HSPG2: variants seen among roughly 807,000 people sequenced by gnomAD.
HSPG2 encodes basement membrane-specific heparan sulfate proteoglycan core protein.
Under a neutral mutation model 526.6 loss-of-function variants are expected in HSPG2, and 278 were observed. The observed-to-expected ratio is 0.53, with a 90% CI of 0.48 to 0.58. HSPG2 has a LOEUF of 0.58. Ranked by LOEUF, HSPG2 falls within the 20% of genes least tolerant of loss-of-function variation. HSPG2 has a pLI of 0.00. For synonymous variants in HSPG2, 2,465 were observed against 2,555.4 expected (o/e 0.96, Z 1.07); for missense variants, 5,354 against 6,099.5 (o/e 0.88, Z 4.07).
rs757036018 is a variant in HSPG2 at position 21,873,020 on chromosome 1, C to T, written c.3865G>A (p.Ala1289Thr). The T allele has an allele frequency of 1.2e-5, 19 of 1,609,630 alleles. No individual in the cohort carries two copies. The highest frequency in any genetic ancestry group is 1.3e-5 in the Non-Finnish European group (15 of 1,179,970). The change falls in exon 31 of 97, where the codon GCT (alanine) becomes ACT (threonine). Residue 1289 changes from alanine (A) to threonine (T), a missense_variant. Transcript: ENST00000374695. ...ACCTTGCACTGGCACTGACCAGCAG[C>T]ATCACACTGGCTGCTGACGCTGCCT... The part of the protein sequence containing the change: ...PQGSVSSQCD[A>T]AGQCQCKAQV...
chr1:21,907,538 A>G (rs1160306223), intron 1 of HSPG2, among the ~76,000 whole-genome samples: 2 of 151,962 alleles, frequency 1.3e-5, no homozygotes, highest in Non-Finnish European at 1.5e-5. Context: ...ATCAAAACAC[A>G]TCCAATTTTT....
At chr1:21,823,595 G>A (rs371838763) in intron 96 of HSPG2, 21 bp downstream of exon 96, 2 of 1,611,570 alleles carry the variant, frequency 1.2e-6, no homozygotes, top group Non-Finnish European at 8.5e-7. Flanking sequence ...CCCCTGCCCT[G>A]AGAAGGAGCC....
intron 6 of HSPG2, chr1:21,888,803 C>T (rs1642141569): frequency 1.0e-6 from 1 of 999,574 alleles, no homozygotes; most frequent in Non-Finnish European, 1.4e-6. Context: ...TCCACCATCC[C>T]TAGCCAGGAG....
chr1:21,896,773 G>C (rs1487585668), intron 1 of HSPG2, among the ~76,000 whole-genome samples: 1 of 152,150 alleles, frequency 6.6e-6, no homozygotes, highest in Non-Finnish European at 1.5e-5. Context: ...GCTGCTCAAA[G>C]CCGTTGCCTC....
intron 1 of HSPG2, among the ~76,000 whole-genome samples, chr1:21,903,339 G>A (rs71569856): frequency 0.011 from 1,731 of 152,306 alleles, 21 homozygotes; most frequent in South Asian, 0.022. Context: ...GGTGGCTCAC[G>A]CCTGTAGTCC....
Position 21,876,532 on chromosome 1 carries a change from A to G in HSPG2, c.2806T>C (p.Ser936Pro). 6.2e-7 allele frequency: 1 copy of G among 1,614,156 alleles called. No homozygotes were observed. Among genetic ancestry groups the G allele is most frequent in the East Asian group, 2.2e-5 (1 of 44,884 alleles). ...GGTACCTGGGCACGGCTCCATGAAG[A>G]GCTGGTGCAGTGGCGACTGACACCC... ...CMGVSRHCTS[S>P]SWSRAQLHGA... The change falls in exon 22 of 97, where the codon TCT (serine) becomes CCT (proline). Residue 936 changes from serine to proline, a missense_variant. Coordinates refer to ENST00000374695, the MANE Select transcript of HSPG2 (RefSeq NM_005529.7).
intron 33 of HSPG2, among the ~76,000 whole-genome samples, chr1:21,869,306 G>C (rs1032882758): frequency 2.6e-5 from 4 of 152,258 alleles, no homozygotes; most frequent in Admixed American, 6.5e-5. Context: ...ATTTGAAAGA[G>C]AGTAACCAGC....
Position 21,893,553 on chromosome 1 carries a change from C to G in HSPG2, c.244+2369G>C, listed in dbSNP as rs1642518310. Among the ~76,000 whole-genome samples, 1 of 151,240 alleles carries G rather than the reference C, an allele frequency of 6.6e-6. No homozygotes were observed. Among genetic ancestry groups the G allele is most frequent in the African/African-American group, 2.4e-5 (1 of 41,156 alleles). The stretch of plus-strand genomic sequence containing the variant: ...GATGGGGAGGGAGGCAGAGGGAGAG[C>G]AGCGCTCCCACCTGGCCAGGGCCTG... On this transcript the variant is annotated intron_variant, in intron 3 of 96. Transcript: ENST00000374695. This position sits in a 1 kb window ranked among gnomAD's most constrained non-coding sequence, Gnocchi z 4.3.
rs1402983083 is a variant in HSPG2, at chr1:21,862,129, G to A, written c.4741-14C>T. The A allele has an allele frequency of 6.2e-7, 1 of 1,611,010 alleles. No individual in the cohort carries two copies. The highest frequency in any genetic ancestry group is 1.1e-5 in the South Asian group (1 of 91,086). ...GTGCTGGCATTGCTGCAGGGCACAA[G>A]GAGGGCAGGCACCAGCCATTAGGCC... On this transcript the variant is annotated splice_polypyrimidine_tract_variant and intron_variant, in intron 37 of 96. Transcript: ENST00000374695.
Position 21,872,492 on chromosome 1 carries a change from G to T in HSPG2, c.4030-115C>A. ...GGGGTCCTGTTGAGATCAGGACTGCGAGAGAAATAATGGGGGCATGTGAGG... is the reference window on the plus strand; with the variant it reads ...GGGGTCCTGTTGAGATCAGGACTGCTAGAGAAATAATGGGGGCATGTGAGG... On this transcript the variant is annotated intron_variant, in intron 32 of 96. Transcript: ENST00000374695. This position sits in a 1 kb window ranked among gnomAD's most constrained non-coding sequence, Gnocchi z 5.5. The T allele has an allele frequency of 7.1e-7, 1 of 1,414,006 alleles. No homozygotes were observed. Among genetic ancestry groups the T allele is most frequent in the Non-Finnish European group, 9.8e-7 (1 of 1,024,066 alleles). The allele number at this position is 1,414,006 out of a possible 1,614,324, so 87.6% of individuals were successfully genotyped here.
intron 96 of HSPG2, 46 bp from the exon 97 acceptor site, chr1:21,823,534 G>C (rs776430548): frequency 6.2e-7 from 1 of 1,609,616 alleles, no homozygotes; most frequent in Non-Finnish European, 8.5e-7. Context: ...CAGCAGCCCA[G>C]GAGGCGAGGA....
chr1:21,852,062 C>T (rs368690710), intron 53 of HSPG2, 26 bp downstream of exon 53: 75 of 1,612,294 alleles, frequency 4.7e-5, no homozygotes, highest in Non-Finnish European at 5.7e-5. Flanking sequence ...TCCATGGCCC[C>T]GTCCCACATT....
Position 21,847,417 on chromosome 1 carries a change from T to C in HSPG2, c.8101A>G (p.Asn2701Asp), listed in dbSNP as rs753931891. 8 of 1,613,712 alleles carry C rather than the reference T, an allele frequency of 5.0e-6. No homozygotes were observed. In the Admixed American group the frequency reaches 6.7e-5, roughly 13 times the overall value. ...SGEYVCRANN[N>D]IDALEASIVI... Reference sequence around the variant, plus strand: ...ATGGAGGCCTCCAGGGCATCGATGTTGTTGTTGGCCCGGCACACATACTCG... The same window carrying C: ...ATGGAGGCCTCCAGGGCATCGATGTCGTTGTTGGCCCGGCACACATACTCG... The change falls in exon 62 of 97, where the codon AAC becomes GAC. Residue 2701 changes from asparagine (N) to aspartate (D), a missense_variant. Transcript: ENST00000374695. This position sits in a 1 kb window ranked among gnomAD's most constrained non-coding sequence, Gnocchi z 4.1.
Position 21,857,104 on chromosome 1 carries a change from T to G in HSPG2, c.5486A>C (p.Asn1829Thr), listed in dbSNP as rs371550970. 5 of 1,614,138 alleles carry G rather than the reference T, an allele frequency of 3.1e-6. No individual in the cohort carries two copies. The highest frequency in any genetic ancestry group is 4.2e-6 in the Non-Finnish European group (5 of 1,180,032). ...MDFNGILTIRNVQLSDAGTYV... is the reference protein window; with the variant it reads ...MDFNGILTIRTVQLSDAGTYV... ...GGTGCCTGCATCACTCAGCTGGACG[T>G]TGCGAATGGTCAGGATGCCATTGAA... The change falls in exon 44 of 97, where the codon AAC becomes ACC. Residue 1829 changes from asparagine to threonine, a missense_variant. Coordinates refer to ENST00000374695, the MANE Select transcript of HSPG2 (RefSeq NM_005529.7).
In HSPG2 at chr1:21,860,018, G is replaced by A. The variant is rs764863065; in HGVS notation, c.5015-16C>T. On this transcript the variant is annotated splice_polypyrimidine_tract_variant and intron_variant, in intron 40 of 96. Coordinates refer to ENST00000374695, the MANE Select transcript of HSPG2 (RefSeq NM_005529.7). ...GCTTGGTTTGCTGGGGGTGGGGGCC[G>A]GGACAGGAAGGGCCTTTCAGCATTG... 8.7e-6 allele frequency: 14 copies of A among 1,608,558 alleles called. No individual in the cohort carries two copies. The East Asian group carries it at 8.9e-5, about 10-fold the overall frequency.
chr1:21,877,059 C>CAAAAAAAAAAAA lies in HSPG2; in HGVS notation c.2686-419_2686-408dup, dbSNP rs3077630. On this transcript the variant is annotated intron_variant, in intron 21 of 96. Transcript: ENST00000374695. ...ACGCGATGGGAGCGAGACTCCATCT[C>CAAAAAAAAAAAA]AAAAAAAAAAAAAAAAAGAAAAGAA... Among the ~76,000 whole-genome samples, 56 of 102,372 alleles carry CAAAAAAAAAAAA rather than the reference C, an allele frequency of 5.5e-4. 1 individual carries two copies. The highest frequency in any genetic ancestry group is 1.6e-3 in the East Asian group (6 of 3,796). The allele number at this position is 102,372 out of a possible 152,430, so 67.2% of individuals were successfully genotyped here. A position where few individuals can be genotyped will look rare whatever the true frequency, so the allele number is the denominator to read the frequency against.
In HSPG2 at chr1:21,847,286, C is replaced by CTGAAAGTTCCTTCT; in HGVS notation, c.8164+54_8164+67dup. 1.9e-6 allele frequency: 3 copies of CTGAAAGTTCCTTCT among 1,593,618 alleles called. No individual in the cohort carries two copies. Among genetic ancestry groups the CTGAAAGTTCCTTCT allele is most frequent in the South Asian group, 1.1e-5 (1 of 90,590 alleles). On this transcript the variant is annotated intron_variant, in intron 62 of 96. Coordinates refer to ENST00000374695, the MANE Select transcript of HSPG2 (RefSeq NM_005529.7). This position sits in a 1 kb window ranked among gnomAD's most constrained non-coding sequence, Gnocchi z 4.1. ...TACCACCAGGTCTGAGGACTCTGACCTGAAAGTTCCTTCTCCCCAGGGAAC... is the reference window on the plus strand; with the variant it reads ...TACCACCAGGTCTGAGGACTCTGACCTGAAAGTTCCTTCTTGAAAGTTCCTTCTCCCCAGGGAAC...
Position 21,887,917 on chromosome 1 carries a change from T to C in HSPG2, c.703+21A>G, listed in dbSNP as rs1642055540. On this transcript the variant is annotated intron_variant, in intron 7 of 96. Transcript: ENST00000374695. This position sits in a 1 kb window ranked among gnomAD's most constrained non-coding sequence, Gnocchi z 5.0. ...CCTCCCCTGGCACCCAAACCACTCG[T>C]GGCCCCGGACATCCCCTCACCACAA... 2.5e-6 allele frequency: 4 copies of C among 1,613,938 alleles called. No individual in the cohort carries two copies. The East Asian group carries it at 8.9e-5, about 36-fold the overall frequency.
intron 83 of HSPG2, 41 bp from the exon 84 acceptor site, chr1:21,831,365 C>T (rs769259419): frequency 1.9e-6 from 3 of 1,604,144 alleles, no homozygotes; most frequent in Non-Finnish European, 2.6e-6. Flanking sequence ...GGCAGGGTGT[C>T]CCAGCCCATA....
Sources: allele counts gnomAD v4.1 joint callset (sites outside exome capture counted in the v4.1 genomes callset), GRCh38; gene constraint gnomAD v4.1.1; non-coding constraint Gnocchi (gnomAD v3.1); transcripts MANE v1.5; gene names NCBI Gene and HGNC (gene_info 2026-07-23, HGNC 2026-07-21).